Variants in PSMA8 observed in about 807,000 individuals in gnomAD.
The protein encoded by PSMA8 is proteasome subunit alpha-type 8.
Under a neutral mutation model 32.4 loss-of-function variants are expected in PSMA8, and 18 were observed. The ratio of observed to expected loss-of-function variants is 0.56; its 90% CI spans 0.38 to 0.82. The LOEUF (loss-of-function observed/expected upper bound fraction) is 0.82, where lower values mean the gene tolerates loss of function less well. PSMA8 is among the 40% of genes least tolerant of loss of function. The pLI is 0.00. For synonymous variants in PSMA8, 104 were observed against 98.1 expected (o/e 1.06, Z -0.36); for missense variants, 298 against 300.7 (o/e 0.99, Z 0.07).
intron 4 of PSMA8, among the ~76,000 whole-genome samples, chr18:26,166,625 A>G (rs777944329): frequency 1.3e-5 from 2 of 152,216 alleles, no homozygotes; most frequent in Non-Finnish European, 2.9e-5. Flanking sequence ...GAGGAAAAGC[A>G]GTTTTGTGAT....
chr18:26,152,450 G>T (rs1462118382), intron 3 of PSMA8, among the ~76,000 whole-genome samples: 1 of 151,980 alleles, frequency 6.6e-6, no homozygotes, highest in Non-Finnish European at 1.5e-5. Flanking sequence ...TCAGCCTCCT[G>T]AGTAGCTGTG....
intron 1 of PSMA8, among the ~76,000 whole-genome samples, chr18:26,140,760 A>C (rs1320695920): frequency 2.0e-5 from 3 of 152,250 alleles, no homozygotes; most frequent in African/African-American, 7.2e-5. Flanking sequence ...CATCTGCATC[A>C]TAGAATAATT....
intron 2 of PSMA8, 148 bp from the exon 3 acceptor site, chr18:26,151,708 CTT>C (rs1425681366): frequency 5.1e-6 from 3 of 584,584 alleles, no homozygotes; most frequent in South Asian, 3.6e-5. Context: ...ACAAATGACA[CTT>C]TATCTCACAA....
At chr18:26,157,091 T>C (rs1325513882) in intron 3 of PSMA8, among the ~76,000 whole-genome samples, 2 of 151,232 alleles carry the variant, frequency 1.3e-5, no homozygotes, top group Non-Finnish European at 2.9e-5. Flanking sequence ...AACCTAAAAA[T>C]AAATATATAT....
intron 6 of PSMA8, among the ~76,000 whole-genome samples, chr18:26,191,573 C>A (rs1383207214): frequency 0.033 from 1 of 30 alleles, no homozygotes; most frequent in East Asian, 0.5. Flanking sequence ...ATCGCTTGAA[C>A]CCGGCAGCAG....
intron 1 of PSMA8, among the ~76,000 whole-genome samples, chr18:26,135,863 G>C (rs909333300): frequency 1.4e-4 from 21 of 152,186 alleles, no homozygotes; most frequent in African/African-American, 4.3e-4. Context: ...GGAAGAATGA[G>C]ACACTTTTGT....
In PSMA8 at chr18:26,174,150, C is replaced by T. The variant is rs891786124; in HGVS notation, c.478-4680C>T. Among the ~76,000 whole-genome samples the T allele has an allele frequency of 5.3e-5, 8 of 152,264 alleles. No homozygotes were observed. In the South Asian group the frequency reaches 6.2e-4, roughly 12 times the overall value. On this transcript the variant is annotated intron_variant, in intron 4 of 6. Coordinates refer to ENST00000415576, the MANE Select transcript of PSMA8 (RefSeq NM_001025096.2). ...CTAATCCTATATTTTAGAGTGAAAA[C>T]GTAATATTTATAGCATTCGGATCAT...
chr18:26,187,447 A>G (rs1279167658), intron 6 of PSMA8, among the ~76,000 whole-genome samples: 1 of 152,146 alleles, frequency 6.6e-6, no homozygotes, highest in Non-Finnish European at 1.5e-5. Context: ...ATAACATTGA[A>G]TGTAAGTGGA....
chr18:26,154,657 A>C (rs2055072634), intron 3 of PSMA8, among the ~76,000 whole-genome samples: 2 of 152,138 alleles, frequency 1.3e-5, no homozygotes, highest in Non-Finnish European at 2.9e-5. Flanking sequence ...CTCTGTCACC[A>C]GGCTGGAGTG....
At chr18:26,163,565 C>CA (rs910585697) in intron 4 of PSMA8, among the ~76,000 whole-genome samples, 2 of 152,128 alleles carry the variant, frequency 1.3e-5, no homozygotes, top group Non-Finnish European at 2.9e-5. Flanking sequence ...TGAAATGCTT[C>CA]AAAATCTCAA....
chr18:26,190,864 GT>G (rs1158335557), intron 6 of PSMA8, among the ~76,000 whole-genome samples: 1 of 152,192 alleles, frequency 6.6e-6, no homozygotes, highest in African/African-American at 2.4e-5. Context: ...TTATATGCCA[GT>G]TTTTTTCCAC....
chr18:26,188,805 A>G (rs2121561), intron 6 of PSMA8, among the ~76,000 whole-genome samples: 24,343 of 152,118 alleles, frequency 0.16, 3,118 homozygotes, highest in African/African-American at 0.35. Context: ...AATGAAACTA[A>G]ACCCCTATCT....
chr18:26,136,997 T>C (rs1276814728), intron 1 of PSMA8, among the ~76,000 whole-genome samples: 1 of 152,244 alleles, frequency 6.6e-6, no homozygotes, highest in African/African-American at 2.4e-5. Flanking sequence ...ATTATTTTTT[T>C]CTAGTTCTAA....
chr18:26,153,474 T>C (rs2055062368), intron 3 of PSMA8, among the ~76,000 whole-genome samples: 1 of 152,230 alleles, frequency 6.6e-6, no homozygotes, highest in Non-Finnish European at 1.5e-5. Context: ...AAATGTATCC[T>C]TGAAGAATCA....
At chr18:26,172,602 G>C (rs936418883) in intron 4 of PSMA8, among the ~76,000 whole-genome samples, 1 of 152,060 alleles carries the variant, frequency 6.6e-6, no homozygotes, top group African/African-American at 2.4e-5. Context: ...TTAGAGACCA[G>C]TTGAGAAGCC....
chr18:26,180,914 A>G (rs1287004322), intron 6 of PSMA8, among the ~76,000 whole-genome samples: 1 of 152,204 alleles, frequency 6.6e-6, no homozygotes, highest in African/African-American at 2.4e-5. Context: ...ACCTTGAGCA[A>G]ATTGCTCTCA....
intron 4 of PSMA8, among the ~76,000 whole-genome samples, chr18:26,178,057 TTC>T (rs1167929920): frequency 6.6e-6 from 1 of 151,208 alleles, no homozygotes; most frequent in African/African-American, 2.4e-5. Flanking sequence ...CTAAAAAAAA[TTC>T]TTTTTTAAAT....
chr18:26,184,873 G>C (rs1275602975), intron 6 of PSMA8, among the ~76,000 whole-genome samples: 1 of 149,296 alleles, frequency 6.7e-6, no homozygotes, highest in Non-Finnish European at 1.5e-5. Flanking sequence ...GATCACCTGA[G>C]GTTAGGAGTT....
chr18:26,145,417 C>T (rs542950999), intron 2 of PSMA8, among the ~76,000 whole-genome samples: 5 of 152,238 alleles, frequency 3.3e-5, no homozygotes, highest in Admixed American at 3.3e-4. Flanking sequence ...CGCGCCCGGC[C>T]TCTGTGTGCA....
Sources: allele counts gnomAD v4.1 joint callset (sites outside exome capture counted in the v4.1 genomes callset), GRCh38; gene constraint gnomAD v4.1.1; transcripts MANE v1.5; gene names NCBI Gene and HGNC (gene_info 2026-07-23, HGNC 2026-07-21).